RGS22: variants seen among roughly 807,000 people sequenced by gnomAD.
RGS22 encodes regulator of G-protein signaling 22.
RGS22 carries 148 observed loss-of-function variants against 172.9 expected under a neutral mutation model. The observed-to-expected ratio is 0.86, with a 90% CI of 0.75 to 0.98. The LOEUF is 0.98. Among genes scored for constraint, RGS22 ranks in the 50% least tolerant of loss-of-function variants. The pLI, the probability that RGS22 is intolerant of heterozygous loss-of-function variation, is 0.00. For missense variants in RGS22, 1,347 were observed against 1,440.8 expected, an observed-to-expected ratio of 0.93 and a Z score of 1.05; for synonymous variants, 458 against 480.2, an observed-to-expected ratio of 0.95 and a Z score of 0.60.
Position 100,106,048 on chromosome 8 carries a change from G to A in RGS22, c.-127C>T. The A allele has an allele frequency of 1.1e-5, 13 of 1,168,798 alleles. No homozygotes were observed. The highest frequency in any genetic ancestry group is 4.3e-5 in the South Asian group (1 of 23,380). 72.4% of individuals were successfully genotyped at this position (1,168,798 alleles called of 1,614,324 possible). On this transcript the variant is annotated 5_prime_UTR_variant, in exon 1 of 28. In the 5' UTR this introduces an upstream ATG that the reference lacks. Coordinates refer to ENST00000360863, the MANE Select transcript of RGS22 (RefSeq NM_015668.5). ...GGGCTCCGGAGCTACGCTGGCTAGCGTGGCCGGCGCCGCGCCGGGGTTGCT... is the reference window on the plus strand; with the variant it reads ...GGGCTCCGGAGCTACGCTGGCTAGCATGGCCGGCGCCGCGCCGGGGTTGCT...
chr8:100,077,996 C>A (rs972835777), intron 4 of RGS22, among the ~76,000 whole-genome samples: 36 of 152,094 alleles, frequency 2.4e-4, no homozygotes, highest in African/African-American at 8.5e-4. Context: ...TAGTAAGATT[C>A]CTTGTTCTGA....
At chr8:100,021,370 A>G (rs1205695937) in intron 14 of RGS22, among the ~76,000 whole-genome samples, 1 of 152,234 alleles carries the variant, frequency 6.6e-6, no homozygotes, top group Non-Finnish European at 1.5e-5. Flanking sequence ...AATAGTCCTT[A>G]TTTAGAAAAG....
chr8:100,065,256 G>A (rs190305051), intron 7 of RGS22, among the ~76,000 whole-genome samples: 27 of 152,274 alleles, frequency 1.8e-4, no homozygotes, highest in Admixed American at 3.3e-4. Context: ...TCAATCCCAT[G>A]GAACTGAAGG....
intron 3 of RGS22, among the ~76,000 whole-genome samples, chr8:100,091,352 G>A (rs1023581647): frequency 6.6e-6 from 1 of 150,742 alleles, no homozygotes; most frequent in African/African-American, 2.4e-5. Flanking sequence ...TGGAAAACAG[G>A]AAAAAGGCAG....
chr8:99,976,923 T>C (rs1051666760), intron 23 of RGS22, among the ~76,000 whole-genome samples: 4 of 152,152 alleles, frequency 2.6e-5, no homozygotes, highest in African/African-American at 9.7e-5. Context: ...ATGAAATAGG[T>C]ATAAGCTTAT....
At chr8:100,094,866 C>A (rs1812844688) in intron 2 of RGS22, among the ~76,000 whole-genome samples, 1 of 152,164 alleles carries the variant, frequency 6.6e-6, no homozygotes, top group African/African-American at 2.4e-5. Context: ...AGGCATTGTG[C>A]TACAATAAGG....
intron 20 of RGS22, among the ~76,000 whole-genome samples, chr8:99,989,342 C>T (rs984808308): frequency 1.3e-5 from 2 of 152,100 alleles, no homozygotes; most frequent in Admixed American, 6.5e-5. Flanking sequence ...CCATTTCTAG[C>T]CAGGTATTAT....
intron 21 of RGS22, 89 bp from the exon 22 acceptor site, chr8:99,982,205 T>G (rs1460631345): frequency 9.8e-7 from 1 of 1,020,900 alleles, no homozygotes; most frequent in Non-Finnish European, 1.4e-6. Context: ...TCAATTAATA[T>G]ATGCATTTCA....
Position 100,041,790 on chromosome 8 carries a change from C to G in RGS22, c.1938+12G>C, listed in dbSNP as rs1307922771. 6.7e-7 allele frequency: 1 copy of G among 1,482,610 alleles called. No individual in the cohort carries two copies. Among genetic ancestry groups the G allele is most frequent in the South Asian group, 1.1e-5 (1 of 86,966 alleles). The allele number at this position is 1,482,610 out of a possible 1,614,324, so 91.8% of individuals were successfully genotyped here. ...TGAAGAATCAGGTTTATTCAGTCCT[C>G]AAAACACTCACCCTAGGTTCTTCTG... On this transcript the variant is annotated intron_variant, in intron 12 of 27. Coordinates refer to ENST00000360863, the MANE Select transcript of RGS22 (RefSeq NM_015668.5).
In RGS22 at chr8:99,996,486, A is replaced by G. The variant is rs772580416; in HGVS notation, c.2994T>C (p.Ala998=). The G allele has an allele frequency of 1.2e-6, 2 of 1,613,550 alleles. No individual in the cohort carries two copies. The highest frequency in any genetic ancestry group is 2.2e-5 in the East Asian group (1 of 44,834). ...CCTTCCAGACCCCGATTTTCTTTTCAGCCTTCTGTAGTAAGAGCTCTTCTG... is the reference window on the plus strand; with the variant it reads ...CCTTCCAGACCCCGATTTTCTTTTCGGCCTTCTGTAGTAAGAGCTCTTCTG... ...DIAEELLLQK[A]EKKIGVWKPV... The change falls in exon 20 of 28, where the codon GCT becomes GCC. Residue 998 remains alanine, a synonymous_variant. Coordinates refer to ENST00000360863, the MANE Select transcript of RGS22 (RefSeq NM_015668.5).
intron 3 of RGS22, among the ~76,000 whole-genome samples, chr8:100,089,211 A>AACACACAC (rs58302018): frequency 4.3e-4 from 62 of 144,612 alleles, no homozygotes; most frequent in African/African-American, 1.4e-3. Flanking sequence ...CACACACACA[A>AACACACAC]ACACACACAC....
intron 14 of RGS22, among the ~76,000 whole-genome samples, chr8:100,033,300 A>T (rs1186041769): frequency 6.6e-6 from 1 of 152,212 alleles, no homozygotes; most frequent in Non-Finnish European, 1.5e-5. Flanking sequence ...AAGAGAGAAG[A>T]ATCAAACAGA....
At chr8:100,064,735 C>T (rs1260490451) in intron 7 of RGS22, among the ~76,000 whole-genome samples, 1 of 152,014 alleles carries the variant, frequency 6.6e-6, no homozygotes, top group Non-Finnish European at 1.5e-5. Flanking sequence ...AATATGTATA[C>T]TAAATGATTA....
chr8:100,037,533 AG>A (rs1243860974), intron 14 of RGS22, among the ~76,000 whole-genome samples: 1 of 152,232 alleles, frequency 6.6e-6, no homozygotes, highest in Non-Finnish European at 1.5e-5. Context: ...TCCACCTTCA[AG>A]TAACCAAAAC....
intron 9 of RGS22, among the ~76,000 whole-genome samples, chr8:100,053,294 C>A (rs144398130): frequency 2.0e-5 from 3 of 152,066 alleles, no homozygotes; most frequent in African/African-American, 7.2e-5. Context: ...TGGTGATGGG[C>A]GCCTGTAACC....
Position 100,080,221 on chromosome 8 carries a change from A to T in RGS22, c.252T>A (p.Val84=). 1 of 1,613,892 alleles carries T rather than the reference A, an allele frequency of 6.2e-7. No individual in the cohort carries two copies. Among genetic ancestry groups the T allele is most frequent in the Non-Finnish European group, 8.5e-7 (1 of 1,179,820 alleles). ...TAACCTCATTCTTTCCTTTCCTTAC[A>T]ACATCATAAATGGGATTTCGAGGTT... The part of the protein sequence containing the change: ...NQQPRNPIYD[V]VRKGKNEVKP... The change falls in exon 4 of 28, where the codon GTT becomes GTA. Residue 84 remains valine (V), a synonymous_variant. Coordinates refer to ENST00000360863, the MANE Select transcript of RGS22 (RefSeq NM_015668.5).
At chr8:100,083,370 T>TA (rs1811905712) in intron 3 of RGS22, among the ~76,000 whole-genome samples, 1 of 152,186 alleles carries the variant, frequency 6.6e-6, no homozygotes, top group Admixed American at 6.5e-5. Flanking sequence ...AGTTAACAAT[T>TA]ACTTTTGGTT....
At chr8:99,981,843 T>C in intron 22 of RGS22, 94 bp downstream of exon 22, 1 of 1,181,188 alleles carries the variant, frequency 8.5e-7, no homozygotes, top group African/African-American at 1.6e-5. Context: ...ATTACAGGCG[T>C]GAGCCACCAC....
At chr8:100,055,613 A>T (rs763988430) in intron 9 of RGS22, among the ~76,000 whole-genome samples, 1 of 152,142 alleles carries the variant, frequency 6.6e-6, no homozygotes, top group Admixed American at 6.5e-5. Context: ...TATAATTCCC[A>T]CGTGTCATGG....
Sources: allele counts gnomAD v4.1 joint callset (sites outside exome capture counted in the v4.1 genomes callset), GRCh38; gene constraint gnomAD v4.1.1; transcripts MANE v1.5; gene names NCBI Gene and HGNC (gene_info 2026-07-23, HGNC 2026-07-21).